Variants in INO80D observed in about 807,000 individuals in gnomAD.
The protein encoded by INO80D is INO80 complex subunit D.
Under a neutral mutation model 87.6 loss-of-function variants are expected in INO80D, and 21 were observed. That is an observed-to-expected ratio of 0.24 (90% CI 0.17 to 0.35). The LOEUF (loss-of-function observed/expected upper bound fraction) is 0.35, where lower values mean the gene tolerates loss of function less well. INO80D is among the 10% of genes least tolerant of loss of function. INO80D has a pLI of 1.00. For synonymous variants in INO80D, 440 were observed against 491.0 expected (o/e 0.90, Z 1.37); for missense variants, 982 against 1,280.7 (o/e 0.77, Z 3.56).
At chr2:206,070,314 C>T (rs373279044) in intron 1 of INO80D, among the ~76,000 whole-genome samples, 69 of 152,058 alleles carry the variant, frequency 4.5e-4, no homozygotes, top group African/African-American at 1.5e-3. Context: ...GTCCTGGTTA[C>T]TTGAGAGGCT....
chr2:206,058,532 C>T (rs957148626), intron 3 of INO80D, among the ~76,000 whole-genome samples: 2 of 151,404 alleles, frequency 1.3e-5, no homozygotes, highest in Non-Finnish European at 2.9e-5. Context: ...GCCAGGAGTT[C>T]GAGACCAGCT....
chr2:206,084,212 TA>T (rs747412310), intron 1 of INO80D, among the ~76,000 whole-genome samples: 21 of 141,266 alleles, frequency 1.5e-4, no homozygotes, highest in Non-Finnish European at 2.5e-4. Context: ...CATACACATA[TA>T]TTTTTTTTTC....
chr2:206,073,735 G>A (rs539363976), intron 1 of INO80D, among the ~76,000 whole-genome samples: 210 of 152,126 alleles, frequency 1.4e-3, no homozygotes, highest in African/African-American at 4.9e-3. Context: ...GGCTGGTCTC[G>A]AACCTCTAGG....
At chr2:206,083,339 A>C (rs945918267) in intron 1 of INO80D, among the ~76,000 whole-genome samples, 1 of 152,216 alleles carries the variant, frequency 6.6e-6, no homozygotes, top group Non-Finnish European at 1.5e-5. Flanking sequence ...AAACCTTAAA[A>C]TGTTCCAAGA....
chr2:206,002,342 A>C lies in INO80D; in HGVS notation c.*2026T>G, dbSNP rs1687920640. The C allele has an allele frequency of 6.6e-6, 1 of 152,244 alleles. No homozygotes were observed. Among genetic ancestry groups the C allele is most frequent in the Non-Finnish European group, 1.5e-5 (1 of 68,040 alleles). 9.4% of individuals were successfully genotyped at this position (152,244 alleles called of 1,614,324 possible). On this transcript the variant is annotated 3_prime_UTR_variant, in exon 11 of 11. Coordinates refer to ENST00000403263, the MANE Select transcript of INO80D (RefSeq NM_017759.5). ...TTCAAATTATCTGTTCTCACCATTC[A>C]GAATAGAAATTTATGGTGATACCAA...
At chr2:206,006,270 T>TATTTC in intron 10 of INO80D, among the ~76,000 whole-genome samples, 1 of 152,290 alleles carries the variant, frequency 6.6e-6, no homozygotes, top group South Asian at 2.1e-4. Flanking sequence ...AAGTATAAAA[T>TATTTC]ATTTCCCCTG....
Position 206,009,320 on chromosome 2 carries a change from T to C in INO80D, c.1760+257A>G, listed in dbSNP as rs1041767354. On this transcript the variant is annotated intron_variant, in intron 9 of 10. Coordinates refer to ENST00000403263, the MANE Select transcript of INO80D (RefSeq NM_017759.5). ...AGACTTGGTCTCAAGAAAAAAAAAA[T>C]GTTTTTTAAGTTGAGAGTATACAAT... 2.7e-5 allele frequency among the ~76,000 whole-genome samples: 4 copies of C among 150,150 alleles called. No homozygotes were observed. The Admixed American group carries it at 2.7e-4, about 10-fold the overall frequency.
At chr2:206,061,724 A>G (rs1689695402) in intron 3 of INO80D, among the ~76,000 whole-genome samples, 1 of 152,214 alleles carries the variant, frequency 6.6e-6, no homozygotes, top group Non-Finnish European at 1.5e-5. Flanking sequence ...CAGCACCAAC[A>G]CAAATTATTT....
chr2:206,006,201 G>A (rs2105795563), intron 10 of INO80D, among the ~76,000 whole-genome samples: 1 of 152,206 alleles, frequency 6.6e-6, no homozygotes, highest in African/African-American at 2.4e-5. Flanking sequence ...TCTATTGTTA[G>A]GAACTTGATT....
intron 7 of INO80D, among the ~76,000 whole-genome samples, chr2:206,018,605 T>C (rs1688380380): frequency 1.3e-5 from 2 of 152,140 alleles, no homozygotes; most frequent in African/African-American, 4.8e-5. Flanking sequence ...TCACAACCCA[T>C]GAAAAATTAC....
chr2:206,049,801 G>A (rs1339861638), intron 4 of INO80D, among the ~76,000 whole-genome samples: 2 of 152,142 alleles, frequency 1.3e-5, no homozygotes, highest in Non-Finnish European at 2.9e-5. Context: ...CTTTTGCTTT[G>A]AAATCTTAGG....
intron 6 of INO80D, chr2:206,025,611 G>A (rs1209499297): frequency 6.8e-6 from 1 of 146,644 alleles, no homozygotes; most frequent in African/African-American, 2.5e-5. Context: ...CATATGCAGT[G>A]GTTTTACAAG....
intron 6 of INO80D, chr2:206,025,542 A>AAAAAAAT (rs71301548): frequency 5.2e-5 from 4 of 76,936 alleles, no homozygotes; most frequent in East Asian, 4.3e-4. Flanking sequence ...AAAAAAAAAA[A>AAAAAAAT]ATATATATAT....
At chr2:206,021,949 C>T (rs188619988) in intron 6 of INO80D, among the ~76,000 whole-genome samples, 95 of 152,168 alleles carry the variant, frequency 6.2e-4, no homozygotes, top group African/African-American at 2.1e-3. Context: ...TCTAATAAAC[C>T]GCTCAGCTAT....
intron 5 of INO80D, among the ~76,000 whole-genome samples, chr2:206,031,584 G>T (rs1261026112): frequency 6.6e-6 from 1 of 152,256 alleles, no homozygotes; most frequent in African/African-American, 2.4e-5. Flanking sequence ...GCATGGCCCT[G>T]CCTGCCTCCT....
At chr2:206,074,983 G>A (rs1473574859) in intron 1 of INO80D, among the ~76,000 whole-genome samples, 1 of 146,154 alleles carries the variant, frequency 6.8e-6, no homozygotes, top group East Asian at 2.0e-4. Context: ...AGGTTGCTGT[G>A]AGCTGAGATC....
At chr2:206,066,416 A>T (rs1689816530) in intron 1 of INO80D, among the ~76,000 whole-genome samples, 1 of 152,238 alleles carries the variant, frequency 6.6e-6, no homozygotes, top group East Asian at 1.9e-4. Context: ...GATACCCAAG[A>T]TATGGAATCA....
intron 4 of INO80D, among the ~76,000 whole-genome samples, 175 bp downstream of exon 4, chr2:206,056,023 G>A (rs1002316917): frequency 2.0e-5 from 3 of 152,154 alleles, no homozygotes; most frequent in African/African-American, 4.8e-5. Context: ...GTAGAGGGAC[G>A]ACTGTGTTTA....
At position 205,997,716 on chromosome 2, in the gene INO80D, T is replaced by C. The variant is rs1687833559; in HGVS notation, c.*6652A>G. On this transcript the variant is annotated 3_prime_UTR_variant, in exon 11 of 11. Transcript: ENST00000403263. Reference sequence around the variant, plus strand: ...ATGAACATAGCATAATATAAGTTAATCCAAAGGTTAACATAAAATGCACAT... The same window carrying C: ...ATGAACATAGCATAATATAAGTTAACCCAAAGGTTAACATAAAATGCACAT... The C allele has an allele frequency of 6.6e-6, 1 of 152,180 alleles. No homozygotes were observed. The highest frequency in any genetic ancestry group is 2.4e-5 in the African/African-American group (1 of 41,452). 9.4% of individuals were successfully genotyped at this position (152,180 alleles called of 1,614,324 possible).
Sources: gnomAD v4.1 joint callset for allele counts (sites outside exome capture counted in the v4.1 genomes callset) on GRCh38, gnomAD v4.1.1 for gene constraint, MANE v1.5 for transcripts, NCBI Gene and HGNC (gene_info 2026-07-23, HGNC 2026-07-21) for gene names.